ADCYAP1R1: variants seen among roughly 807,000 people sequenced by gnomAD.
ADCYAP1R1 encodes pituitary adenylate cyclase-activating polypeptide type I receptor.
ADCYAP1R1 carries 44 observed loss-of-function variants against 67.6 expected under a neutral mutation model. That is an observed-to-expected ratio of 0.65 (90% CI 0.51 to 0.84). The LOEUF (loss-of-function observed/expected upper bound fraction) is 0.84. Ranked by LOEUF, ADCYAP1R1 falls within the 40% of genes least tolerant of loss-of-function variation. The pLI is 0.00. For synonymous variants in ADCYAP1R1, 222 were observed against 219.6 expected, an observed-to-expected ratio of 1.01 and a Z score of -0.10; for missense variants, 477 against 587.9, an observed-to-expected ratio of 0.81 and a Z score of 1.95.
intron 13 of ADCYAP1R1, among the ~76,000 whole-genome samples, chr7:31,096,819 GT>G (rs893973108): frequency 2.9e-5 from 4 of 135,978 alleles, no homozygotes; most frequent in Non-Finnish European, 6.3e-5. Context: ...TATGGAGTGT[GT>G]TCAGCTCAGT....
intron 3 of ADCYAP1R1, among the ~76,000 whole-genome samples, chr7:31,067,097 T>C (rs2128618898): frequency 6.6e-6 from 1 of 152,306 alleles, no homozygotes; most frequent in African/African-American, 2.4e-5. Context: ...CTCAGGGACC[T>C]TGTGAGTCAG....
chr7:31,098,770 G>A (rs1796318569), intron 13 of ADCYAP1R1, among the ~76,000 whole-genome samples: 2 of 149,038 alleles, frequency 1.3e-5, no homozygotes, highest in South Asian at 2.1e-4. Context: ...TGGCCTCAGC[G>A]AAATGACATG....
chr7:31,053,025 G>A (rs1377107119), intron 1 of ADCYAP1R1, among the ~76,000 whole-genome samples: 2 of 152,162 alleles, frequency 1.3e-5, no homozygotes, highest in African/African-American at 4.8e-5. Flanking sequence ...GACCAGGGGG[G>A]CAGGCAAGCC....
At chr7:31,062,361 C>T (rs1234638553) in intron 1 of ADCYAP1R1, among the ~76,000 whole-genome samples, 2 of 152,190 alleles carry the variant, frequency 1.3e-5, no homozygotes, top group Non-Finnish European at 2.9e-5. Flanking sequence ...CATGCTTCAC[C>T]TGTCACCGTG....
At chr7:31,098,710 G>GA (rs1562655257) in intron 13 of ADCYAP1R1, among the ~76,000 whole-genome samples, 2 of 120,502 alleles carry the variant, frequency 1.7e-5, no homozygotes, top group African/African-American at 2.8e-5. Flanking sequence ...GGGCGGGGGG[G>GA]GGGGGGGGAC....
rs1794581295 is a variant in ADCYAP1R1 at position 31,063,184 on chromosome 7, T to C, written c.-71-10T>C. 1.9e-6 allele frequency: 3 copies of C among 1,567,660 alleles called. No homozygotes were observed. In the African/African-American group the frequency reaches 4.1e-5, roughly 21 times the overall value. On this transcript the variant is annotated splice_polypyrimidine_tract_variant and intron_variant, in intron 1 of 15. Transcript: ENST00000304166. Reference sequence around the variant, plus strand: ...GGCTCACAGGATTCACACCTTTCCTTCCTCTCTAGCCCAGAGACACATTGG... The same window carrying C: ...GGCTCACAGGATTCACACCTTTCCTCCCTCTCTAGCCCAGAGACACATTGG...
chr7:31,103,359 C>T lies in ADCYAP1R1; in HGVS notation c.1169C>T (p.Ser390Phe). The T allele has an allele frequency of 1.2e-6, 2 of 1,614,170 alleles. No individual in the cohort carries two copies. The highest frequency in any genetic ancestry group is 4.5e-5 in the East Asian group (2 of 44,880). The part of the protein sequence containing the change: ...ERLVFELGLG[S>F]FQGFVVAVLY... Reference sequence around the variant, plus strand: ...CTCGTGTTTGAGCTGGGGCTGGGCTCCTTCCAGGTAGGTGTGGCACATGGG... The same window carrying T: ...CTCGTGTTTGAGCTGGGGCTGGGCTTCTTCCAGGTAGGTGTGGCACATGGG... Residue 390 changes from serine to phenylalanine, a missense_variant, in exon 14 of 16, where the codon TCC becomes TTC. Ser to Phe is a radical substitution (Grantham distance 155, BLOSUM62 -2). Coordinates refer to ENST00000304166, the MANE Select transcript of ADCYAP1R1 (RefSeq NM_001118.5).
chr7:31,096,890 C>T (rs547316659), intron 13 of ADCYAP1R1, among the ~76,000 whole-genome samples: 11 of 152,170 alleles, frequency 7.2e-5, no homozygotes, highest in South Asian at 2.1e-4. Context: ...GGAATGCAGA[C>T]GTGAAGAAGA....
At chr7:31,081,162 A>C (rs1423374295) in intron 5 of ADCYAP1R1, among the ~76,000 whole-genome samples, 1 of 152,038 alleles carries the variant, frequency 6.6e-6, no homozygotes, top group Non-Finnish European at 1.5e-5. Context: ...ATGGGGTGGA[A>C]ATGGGGTCTC....
At chr7:31,070,413 G>T (rs1277711620) in intron 3 of ADCYAP1R1, among the ~76,000 whole-genome samples, 1 of 152,228 alleles carries the variant, frequency 6.6e-6, no homozygotes, top group African/African-American at 2.4e-5. Flanking sequence ...CTTGGAGGGA[G>T]GAGGGAAAGG....
intron 13 of ADCYAP1R1, among the ~76,000 whole-genome samples, chr7:31,097,843 T>C (rs1217556141): frequency 6.6e-6 from 1 of 152,138 alleles, no homozygotes; most frequent in Admixed American, 6.5e-5. Context: ...CCCTGATTTC[T>C]GTGGTTTACC....
intron 1 of ADCYAP1R1, among the ~76,000 whole-genome samples, chr7:31,053,044 G>C (rs914405894): frequency 6.6e-6 from 1 of 152,206 alleles, no homozygotes; most frequent in Non-Finnish European, 1.5e-5. Context: ...CCATGCGGCC[G>C]GAGGGACCCG....
At chr7:31,053,053 C>G (rs980394578) in intron 1 of ADCYAP1R1, among the ~76,000 whole-genome samples, 1 of 152,150 alleles carries the variant, frequency 6.6e-6, no homozygotes, top group African/African-American at 2.4e-5. Context: ...CGGAGGGACC[C>G]GGAGGGACAT....
Position 31,052,384 on chromosome 7 carries a change from C to T in ADCYAP1R1, c.-366C>T, listed in dbSNP as rs573356576. 8 of 151,908 alleles carry T rather than the reference C, an allele frequency of 5.3e-5. No homozygotes were observed. Among genetic ancestry groups the T allele is most frequent in the South Asian group, 4.1e-4 (2 of 4,870 alleles). The allele number at this position is 151,908 out of a possible 1,614,324, so 9.4% of individuals were successfully genotyped here. ...GCAGGACGGAGCCAAGCTGGACTGC[C>T]GCGCCGCGCGGGGCGGGCAAAGGGG... On this transcript the variant is annotated 5_prime_UTR_variant, in exon 1 of 16. Transcript: ENST00000304166.
chr7:31,097,276 G>A lies in ADCYAP1R1; in HGVS notation c.1046+4541G>A, dbSNP rs1384829576. Among the ~76,000 whole-genome samples, 5 of 152,162 alleles carry A rather than the reference G, an allele frequency of 3.3e-5. No individual in the cohort carries two copies. In the East Asian group the frequency reaches 7.7e-4, roughly 23 times the overall value. On this transcript the variant is annotated intron_variant, in intron 13 of 15. Coordinates refer to ENST00000304166, the MANE Select transcript of ADCYAP1R1 (RefSeq NM_001118.5). ...TTGCCTGAGCTTTTAGTCTCTTTTG[G>A]ATCCAACTCAGAATTTACCGCATCA...
At chr7:31,064,701 A>C in intron 2 of ADCYAP1R1, 130 bp from the exon 3 acceptor site, 1 of 703,586 alleles carries the variant, frequency 1.4e-6, no homozygotes, top group Non-Finnish European at 2.4e-6. Flanking sequence ...TGGCCCTGAC[A>C]TCTCTTGTCA....
intron 1 of ADCYAP1R1, 97 bp from the exon 2 acceptor site, chr7:31,063,097 C>T (rs184021540): frequency 8.7e-6 from 6 of 686,632 alleles, no homozygotes; most frequent in Admixed American, 2.5e-5. Context: ...GGCTGAGAGC[C>T]GTGCTGCAGG....
Position 31,106,749 on chromosome 7 carries a change from A to G in ADCYAP1R1, c.*65A>G, listed in dbSNP as rs542996107. The stretch of plus-strand genomic sequence containing the variant: ...TGGGACCGCAGGCAGGTGCCAGCCC[A>G]CGCATGTTTGCGCCTCTTCCCTCCC... On this transcript the variant is annotated 3_prime_UTR_variant, in exon 16 of 16. Coordinates refer to ENST00000304166, the MANE Select transcript of ADCYAP1R1 (RefSeq NM_001118.5). The G allele has an allele frequency of 6.7e-7, 1 of 1,486,376 alleles. No individual in the cohort carries two copies. The highest frequency in any genetic ancestry group is 9.0e-7 in the Non-Finnish European group (1 of 1,115,592). The allele number at this position is 1,486,376 out of a possible 1,614,324, so 92.1% of individuals were successfully genotyped here. A position where few individuals can be genotyped will look rare whatever the true frequency, so the allele number is the denominator to read the frequency against.
At chr7:31,104,778 C>A in intron 14 of ADCYAP1R1, 90 bp from the exon 15 acceptor site, 1 of 1,442,712 alleles carries the variant, frequency 6.9e-7, no homozygotes, top group Non-Finnish European at 9.8e-7. Context: ...TGGTGTATTT[C>A]TGCTTCCTAG....
Sources: gnomAD v4.1 joint callset for allele counts (sites outside exome capture counted in the v4.1 genomes callset) on GRCh38, gnomAD v4.1.1 for gene constraint, MANE v1.5 for transcripts, NCBI Gene and HGNC (gene_info 2026-07-23, HGNC 2026-07-21) for gene names.